PDGFA: variants seen among roughly 807,000 people sequenced by gnomAD.
PDGFA encodes the protein platelet derived growth factor subunit A, also known as platelet-derived growth factor subunit A.
Under a neutral mutation model 25.6 loss-of-function variants are expected in PDGFA, and 9 were observed. The observed-to-expected ratio is 0.35, with a 90% confidence interval of 0.21 to 0.61. The LOEUF (loss-of-function observed/expected upper bound fraction) is 0.61. Ranked by LOEUF, PDGFA falls within the 20% of genes least tolerant of loss-of-function variation. The pLI, the probability that PDGFA is intolerant of heterozygous loss-of-function variation, is 0.75. For missense variants in PDGFA, 242 were observed against 272.8 expected (o/e 0.89, Z 0.79); for synonymous variants, 133 against 111.8 (o/e 1.19, Z -1.20).
chr7:502,055 C>A (rs1350800278), intron 4 of PDGFA, among the ~76,000 whole-genome samples: 3 of 152,042 alleles, frequency 2.0e-5, no homozygotes, highest in African/African-American at 7.3e-5. Context: ...TAAGACCCTG[C>A]CTCTAAAAAC....
At chr7:506,888 G>C (rs1203592926) in intron 4 of PDGFA, among the ~76,000 whole-genome samples, 1 of 152,180 alleles carries the variant, frequency 6.6e-6, no homozygotes, top group Non-Finnish European at 1.5e-5. Flanking sequence ...AGAGACCTCT[G>C]AATGTTGACC....
exon 1 of PDGFA, chr7:519,180 G>A (rs992983992): frequency 1.7e-5 from 8 of 466,068 alleles, no homozygotes; most frequent in African/African-American, 4.1e-5. Flanking sequence ...AGTGCGGAGA[G>A]GCAGGCAGCG....
chr7:505,930 T>C (rs1226525281), intron 4 of PDGFA, among the ~76,000 whole-genome samples: 2 of 151,988 alleles, frequency 1.3e-5, no homozygotes, highest in Non-Finnish European at 1.5e-5. Flanking sequence ...TCCCAGCACT[T>C]TGGGAGGTCG....
At chr7:510,945 G>A in exon 4 of PDGFA, 2 of 1,612,980 alleles carry the variant, frequency 1.2e-6, no homozygotes, top group Non-Finnish European at 8.5e-7. Flanking sequence ...CTGACTCCGA[G>A]GAATCTCGTA....
chr7:515,779 G>T (rs1400212546), intron 2 of PDGFA, among the ~76,000 whole-genome samples: 1 of 151,902 alleles, frequency 6.6e-6, no homozygotes, highest in African/African-American at 2.4e-5. Flanking sequence ...TTTTCTGTTC[G>T]GACCCTACGA....
chr7:512,712 G>A, intron 2 of PDGFA: 15 of 1,372,226 alleles, frequency 1.1e-5, no homozygotes, highest in Non-Finnish European at 1.2e-5. Flanking sequence ...CCCACATTCA[G>A]GGGCCCGTGA....
At chr7:519,340 G>T (rs931923262) in exon 1 of PDGFA, 4 of 284,564 alleles carry the variant, frequency 1.4e-5, no homozygotes, top group East Asian at 6.3e-5. Flanking sequence ...CGCCGCGCTC[G>T]CTCCCCGCGC....
intron 2 of PDGFA, among the ~76,000 whole-genome samples, chr7:515,430 C>T (rs1783044728): frequency 6.6e-6 from 1 of 152,186 alleles, no homozygotes; most frequent in South Asian, 2.1e-4. Flanking sequence ...GGAGGAGCAG[C>T]CGGTGCCTCT....
intron 2 of PDGFA, among the ~76,000 whole-genome samples, chr7:515,853 A>G (rs142710908): frequency 6.6e-6 from 1 of 152,252 alleles, no homozygotes; most frequent in African/African-American, 2.4e-5. Context: ...GCTAAAGGCG[A>G]TAATGGGTGG....
At chr7:510,767 A>AGGAGGGGAGGGGAGG in intron 4 of PDGFA, 42 bp downstream of exon 4, 6 of 480,666 alleles carry the variant, frequency 1.2e-5, no homozygotes, top group South Asian at 4.7e-5. Context: ...GGGAGAGGAG[A>AGGAGGGGAGGGGAGG]GGAGGGGAGG....
intron 1 of PDGFA, among the ~76,000 whole-genome samples, chr7:518,016 C>T (rs62433350): frequency 0.036 from 5,454 of 152,158 alleles, 127 homozygotes; most frequent in Middle Eastern, 0.058. Context: ...CGCGCGCAGA[C>T]ACACACACGC....
chr7:519,599 G>A (rs1419525289), upstream of PDGFA, among the ~76,000 whole-genome samples: 1 of 145,528 alleles, frequency 6.9e-6, no homozygotes, highest in Non-Finnish European at 1.5e-5. Flanking sequence ...CACCCCCTCC[G>A]CGGCGCGCCC....
intron 2 of PDGFA, among the ~76,000 whole-genome samples, chr7:516,019 T>G: frequency 1.4e-5 from 1 of 71,040 alleles, no homozygotes; most frequent in Admixed American, 2.1e-4. Flanking sequence ...GAAAAAGCCC[T>G]GAAACCTTCT....
In PDGFA at chr7:500,742, G is replaced by C; in HGVS notation, c.580+374C>G. 7.0e-7 allele frequency: 1 copy of C among 1,438,160 alleles called. No individual in the cohort carries two copies. 89.1% of individuals were successfully genotyped at this position (1,438,160 alleles called of 1,614,324 possible). On this transcript the variant is annotated intron_variant, in intron 5 of 5. Coordinates refer to ENST00000402802, the Ensembl canonical transcript of PDGFA. The surrounding 1 kb of genome is among the most constrained non-coding windows in gnomAD (Gnocchi z 5.0). The stretch of plus-strand genomic sequence containing the variant: ...GAAGGAGAGACCCCAGCCAGCCAGG[G>C]CAACTGCAGTCCTCGAACCTGCTCC...
At position 511,726 on chromosome 7, in the gene PDGFA, T is replaced by C. The variant is rs1231311991; in HGVS notation, c.265+625A>G. Among the ~76,000 whole-genome samples the C allele has an allele frequency of 4.0e-5, 6 of 151,504 alleles. No homozygotes were observed. In the South Asian group the frequency reaches 8.4e-4, roughly 21 times the overall value. On this transcript the variant is annotated intron_variant, in intron 3 of 5. Coordinates refer to ENST00000402802, the Ensembl canonical transcript of PDGFA. ...GACCCCCGAGGACGCGGGACTTGGG[T>C]AGAAAGCAGGGACTGGCCCCTGAAC... is the stretch of plus-strand genomic sequence containing the variant.
chr7:513,759 G>C (rs1232548414), intron 2 of PDGFA, among the ~76,000 whole-genome samples: 1 of 152,112 alleles, frequency 6.6e-6, no homozygotes, highest in Non-Finnish European at 1.5e-5. Context: ...AGAAACCTCA[G>C]CTTCCTCCGC....
intron 2 of PDGFA, chr7:513,203 T>C (rs576638571): frequency 6.5e-6 from 1 of 154,730 alleles, no homozygotes; most frequent in Admixed American, 6.3e-5. Context: ...CTGCGAGCCG[T>C]GTTTACAGCC....
At chr7:515,882 G>T (rs1314308212) in intron 2 of PDGFA, among the ~76,000 whole-genome samples, 1 of 152,074 alleles carries the variant, frequency 6.6e-6, no homozygotes. Flanking sequence ...GAGGCGGGGC[G>T]CCAAGACCAG....
chr7:501,093 T>A (rs1333453161), intron 5 of PDGFA, 23 bp downstream of exon 5: 2 of 1,614,170 alleles, frequency 1.2e-6, no homozygotes, highest in Admixed American at 1.7e-5. Context: ...CCAACACCGA[T>A]GCCGACGAAG....
Sources: gnomAD v4.1 joint callset for allele counts (sites outside exome capture counted in the v4.1 genomes callset) on GRCh38, gnomAD v4.1.1 for gene constraint, Gnocchi (gnomAD v3.1) non-coding constraint, MANE v1.5 for transcripts, NCBI Gene and HGNC (gene_info 2026-07-23, HGNC 2026-07-21) for gene names.